FRMD4A: variants seen among roughly 807,000 people sequenced by gnomAD.
FRMD4A encodes FERM domain-containing protein 4A.
FRMD4A carries 29 observed loss-of-function variants against 129.1 expected under a neutral mutation model. The observed-to-expected ratio is 0.22, with a 90% CI of 0.17 to 0.31. The LOEUF (loss-of-function observed/expected upper bound fraction) is 0.31, where lower values mean the gene tolerates loss of function less well. FRMD4A is among the 10% of genes least tolerant of loss of function. FRMD4A has a pLI of 1.00. For synonymous variants in FRMD4A, 634 were observed against 571.6 expected (o/e 1.11, Z -1.56); for missense variants, 1,272 against 1,375.8 (o/e 0.92, Z 1.19).
intron 2 of FRMD4A, among the ~76,000 whole-genome samples, chr10:14,011,647 A>G (rs1343445326): frequency 6.6e-6 from 1 of 152,226 alleles, no homozygotes; most frequent in Non-Finnish European, 1.5e-5. Context: ...GCTCTGGGCC[A>G]GCCCTGAGGG....
Position 13,654,480 on chromosome 10 carries a change from G to A in FRMD4A, c.2986C>T (p.Pro996Ser), listed in dbSNP as rs1564518674. ...GGGGTGGCTCCAATTTCACTTGACG[G>A]TGTCGAGCTTCTCTGGCTTTGAGGT... ...ALPQSQRSST[P>S]SSEIGATPPS... Residue 996 changes from proline to serine, a missense_variant, in exon 23 of 25, where the codon CCG becomes TCG. Pro to Ser is a moderately conservative substitution (Grantham distance 74, BLOSUM62 -1). Coordinates refer to ENST00000357447, the MANE Select transcript of FRMD4A (RefSeq NM_018027.5). The A allele has an allele frequency of 6.2e-7, 1 of 1,613,874 alleles. No homozygotes were observed. The highest frequency in any genetic ancestry group is 1.6e-4 in the Middle Eastern group (1 of 6,062).
chr10:14,026,224 G>T (rs1196485043), intron 2 of FRMD4A, among the ~76,000 whole-genome samples: 1 of 152,126 alleles, frequency 6.6e-6, no homozygotes, highest in Non-Finnish European at 1.5e-5. Context: ...GCTCTCTCGG[G>T]TATGAACGGT....
chr10:14,078,607 G>A (rs1835747716), intron 2 of FRMD4A, among the ~76,000 whole-genome samples: 1 of 152,164 alleles, frequency 6.6e-6, no homozygotes. Flanking sequence ...TATAGTATTT[G>A]ACATCTGTTT....
chr10:14,013,576 C>A (rs1386771399), intron 2 of FRMD4A, among the ~76,000 whole-genome samples: 1 of 152,140 alleles, frequency 6.6e-6, no homozygotes, highest in Non-Finnish European at 1.5e-5. Flanking sequence ...CAGCAAAAAA[C>A]CCACAAGGCA....
At chr10:14,059,465 C>CTCTT (rs990436665) in intron 2 of FRMD4A, among the ~76,000 whole-genome samples, 3 of 152,052 alleles carry the variant, frequency 2.0e-5, no homozygotes, top group Admixed American at 1.3e-4. Context: ...AGAGCCCTCT[C>CTCTT]TCTTTCTCTC....
chr10:14,035,065 C>CG (rs1338238759), intron 2 of FRMD4A, among the ~76,000 whole-genome samples: 1 of 151,928 alleles, frequency 6.6e-6, no homozygotes, highest in Non-Finnish European at 1.5e-5. Context: ...AATTAAATAC[C>CG]GGGGGGACCA....
chr10:13,691,073 C>T (rs545320919), intron 15 of FRMD4A, among the ~76,000 whole-genome samples: 40 of 152,240 alleles, frequency 2.6e-4, no homozygotes, highest in South Asian at 1.0e-3. Context: ...CTGCAACCTC[C>T]GCCTCCTGAG....
chr10:13,817,505 C>T (rs138165062), intron 3 of FRMD4A, among the ~76,000 whole-genome samples: 2,687 of 152,336 alleles, frequency 0.018, 42 homozygotes, highest in Middle Eastern at 0.054. Context: ...ATCCAAATCT[C>T]ACCTTGAATT....
intron 12 of FRMD4A, among the ~76,000 whole-genome samples, chr10:13,713,948 TACACACAC>T (rs201359265): frequency 9.5e-6 from 1 of 105,332 alleles, no homozygotes; most frequent in Non-Finnish European, 2.0e-5. Flanking sequence ...ATATATGTAA[TACACACAC>T]ATATATAATA....
intron 3 of FRMD4A, among the ~76,000 whole-genome samples, chr10:13,849,659 A>G (rs2094114047): frequency 6.6e-6 from 1 of 151,280 alleles, no homozygotes; most frequent in Non-Finnish European, 1.5e-5. Context: ...TTGTATTTTT[A>G]GTAGAGACGG....
At chr10:13,957,029 A>T (rs2095413611) in intron 2 of FRMD4A, among the ~76,000 whole-genome samples, 1 of 152,182 alleles carries the variant, frequency 6.6e-6, no homozygotes, top group African/African-American at 2.4e-5. Context: ...CTTGCTAAAT[A>T]ATTGGCTTAG....
chr10:14,130,349 C>T (rs184848299), intron 2 of FRMD4A, among the ~76,000 whole-genome samples: 35 of 152,288 alleles, frequency 2.3e-4, no homozygotes, highest in African/African-American at 7.7e-4. Flanking sequence ...TAATCTTGAT[C>T]TCCTGGGCTC....
chr10:13,803,846 CT>C (rs1411137530), intron 4 of FRMD4A, among the ~76,000 whole-genome samples: 1 of 152,196 alleles, frequency 6.6e-6, no homozygotes, highest in Non-Finnish European at 1.5e-5. Flanking sequence ...TCAGGGACTG[CT>C]GTGTAGACAC....
chr10:14,087,376 AAAT>A (rs1177530186), intron 2 of FRMD4A: 1 of 148,388 alleles, frequency 6.7e-6, no homozygotes, highest in African/African-American at 2.4e-5. Flanking sequence ...TAGAATTATA[AAAT>A]ATATATTAAT....
At chr10:14,108,257 A>G (rs1182128394) in intron 2 of FRMD4A, among the ~76,000 whole-genome samples, 3 of 152,126 alleles carry the variant, frequency 2.0e-5, no homozygotes, top group Non-Finnish European at 4.4e-5. Context: ...TTTTAAAACA[A>G]CTCATAAGCT....
At chr10:14,120,341 GC>G in intron 2 of FRMD4A, among the ~76,000 whole-genome samples, 1 of 151,976 alleles carries the variant, frequency 6.6e-6, no homozygotes, top group Middle Eastern at 3.4e-3. Flanking sequence ...CCTTCAGGAA[GC>G]CTTCCTTGAG....
chr10:14,167,052 T>A (rs1420317361), intron 2 of FRMD4A, among the ~76,000 whole-genome samples: 2 of 152,180 alleles, frequency 1.3e-5, no homozygotes, highest in East Asian at 3.8e-4. Flanking sequence ...ATAGTTAACA[T>A]GAATCGATAG....
intron 2 of FRMD4A, among the ~76,000 whole-genome samples, chr10:14,257,578 T>C (rs1163766613): frequency 6.6e-6 from 1 of 152,216 alleles, no homozygotes; most frequent in Non-Finnish European, 1.5e-5. Context: ...ACTGGATATT[T>C]GCAGGTGTAA....
chr10:13,755,889 TG>T (rs2091840560), intron 8 of FRMD4A: 1 of 152,220 alleles, frequency 6.6e-6, no homozygotes, highest in African/African-American at 2.4e-5. Context: ...TTGGTGGCTA[TG>T]TTTATTTGGA....
Sources: allele counts gnomAD v4.1 joint callset (sites outside exome capture counted in the v4.1 genomes callset), GRCh38; gene constraint gnomAD v4.1.1; transcripts MANE v1.5; gene names NCBI Gene and HGNC (gene_info 2026-07-23, HGNC 2026-07-21).